Variants in ELMO1 observed in about 807,000 individuals in gnomAD.
The protein encoded by ELMO1 is engulfment and cell motility protein 1.
Under a neutral mutation model 98.9 loss-of-function variants are expected in ELMO1, and 26 were observed. The ratio of observed to expected loss-of-function variants is 0.26; its 90% CI spans 0.19 to 0.36. ELMO1 has a LOEUF of 0.36. Ranked by LOEUF, ELMO1 falls within the 10% of genes least tolerant of loss-of-function variation. ELMO1 has a pLI of 1.00. For missense variants in ELMO1, 627 were observed against 935.2 expected, an observed-to-expected ratio of 0.67 and a Z score of 4.30; for synonymous variants, 346 against 346.0, an observed-to-expected ratio of 1.00 and a Z score of 0.00.
At chr7:37,359,365 G>GA (rs762897519) in intron 1 of ELMO1, among the ~76,000 whole-genome samples, 1 of 152,184 alleles carries the variant, frequency 6.6e-6, no homozygotes. Flanking sequence ...GTGGCTTTGG[G>GA]AAAATTCCTC....
Position 37,211,250 on chromosome 7 carries a change from C to T in ELMO1, c.1086+136G>A, listed in dbSNP as rs148338113. On this transcript the variant is annotated intron_variant, in intron 13 of 21. Transcript: ENST00000310758. ...TTTCATGTGATCCTGTTTAAACCAG[C>T]TAAACATCTGGAAATGTGGAAACTA... 150 of 1,281,576 alleles carry T rather than the reference C, an allele frequency of 1.2e-4. No homozygotes were observed. In the African/African-American group the frequency reaches 2.1e-3, roughly 18 times the overall value. The allele number at this position is 1,281,576 out of a possible 1,614,324, so 79.4% of individuals were successfully genotyped here. A position where few individuals can be genotyped will look rare whatever the true frequency, so the allele number is the denominator to read the frequency against.
intron 15 of ELMO1, among the ~76,000 whole-genome samples, chr7:37,085,933 C>T (rs957629090): frequency 3.9e-5 from 6 of 152,180 alleles, no homozygotes; most frequent in South Asian, 2.1e-4. Flanking sequence ...TTTAGGAAAA[C>T]GACATCCACT....
rs139459469 is a variant in ELMO1, at chr7:37,326,826, C to T, written c.79-10866G>A. Reference sequence around the variant, plus strand: ...AGACCTACCTTCTCCTTTAGATATTCTAACATGCTTCTGCTCAGCAGACAT... The same window carrying T: ...AGACCTACCTTCTCCTTTAGATATTTTAACATGCTTCTGCTCAGCAGACAT... On this transcript the variant is annotated intron_variant, in intron 2 of 21. Transcript: ENST00000310758. Among the ~76,000 whole-genome samples, 4 of 152,274 alleles carry T rather than the reference C, an allele frequency of 2.6e-5. No individual in the cohort carries two copies. The East Asian group carries it at 5.8e-4, about 22-fold the overall frequency.
intron 4 of ELMO1, among the ~76,000 whole-genome samples, chr7:37,301,236 G>T (rs1798326275): frequency 6.6e-6 from 1 of 151,044 alleles, no homozygotes; most frequent in African/African-American, 2.4e-5. Flanking sequence ...ATGGAGAGAA[G>T]GAAAGGAAGG....
At chr7:37,194,224 A>G (rs996853087) in intron 13 of ELMO1, among the ~76,000 whole-genome samples, 19 of 152,204 alleles carry the variant, frequency 1.2e-4, no homozygotes, top group African/African-American at 4.6e-4. Context: ...TTGTATTTCC[A>G]TTGGCCTTCT....
At chr7:37,203,274 T>C (rs1023317878) in intron 13 of ELMO1, among the ~76,000 whole-genome samples, 5 of 152,184 alleles carry the variant, frequency 3.3e-5, no homozygotes, top group Non-Finnish European at 5.9e-5. Context: ...TCTTAAGCAT[T>C]CTCCCGTTAG....
chr7:37,194,699 C>T (rs10242334), intron 13 of ELMO1, among the ~76,000 whole-genome samples: 29,434 of 152,144 alleles, frequency 0.19, 3,199 homozygotes, highest in Middle Eastern at 0.28. Context: ...TCCTCCTCCT[C>T]CCCAGCTCAC....
At chr7:37,081,927 C>T (rs753466059) in intron 15 of ELMO1, among the ~76,000 whole-genome samples, 6 of 152,266 alleles carry the variant, frequency 3.9e-5, no homozygotes, top group East Asian at 1.9e-4. Context: ...AGTTCTCACC[C>T]GGGCAAGTCG....
intron 16 of ELMO1, among the ~76,000 whole-genome samples, chr7:36,949,397 G>A (rs10225164): frequency 0.11 from 16,946 of 151,578 alleles, 1,501 homozygotes; most frequent in East Asian, 0.27. Flanking sequence ...GGGACTTCAC[G>A]GAATTTTCTC....
At chr7:36,903,268 T>C (rs1405021283) in intron 16 of ELMO1, among the ~76,000 whole-genome samples, 1 of 152,202 alleles carries the variant, frequency 6.6e-6, no homozygotes, top group Non-Finnish European at 1.5e-5. Context: ...TAGGCCTAGA[T>C]GTTACCACCC....
At chr7:37,205,021 C>A (rs1231580671) in intron 13 of ELMO1, among the ~76,000 whole-genome samples, 1 of 152,196 alleles carries the variant, frequency 6.6e-6, no homozygotes, top group Non-Finnish European at 1.5e-5. Flanking sequence ...GGTGCGTTTA[C>A]AATCCTTTAG....
At chr7:37,120,166 A>G (rs1785907922) in intron 14 of ELMO1, among the ~76,000 whole-genome samples, 1 of 152,232 alleles carries the variant, frequency 6.6e-6, no homozygotes, top group Non-Finnish European at 1.5e-5. Flanking sequence ...TCCAGGTTCC[A>G]AGATGGCCAA....
intron 1 of ELMO1, among the ~76,000 whole-genome samples, chr7:37,404,138 A>C (rs1167507846): frequency 6.6e-6 from 1 of 152,132 alleles, no homozygotes; most frequent in Non-Finnish European, 1.5e-5. Flanking sequence ...TAAAATTGTA[A>C]TCATTTTTTC....
At chr7:36,942,788 C>G (rs1787155908) in intron 16 of ELMO1, among the ~76,000 whole-genome samples, 1 of 151,450 alleles carries the variant, frequency 6.6e-6, no homozygotes. Context: ...TTTTTAGGCT[C>G]TGTAAAAAAT....
At chr7:36,968,234 T>C (rs531496491) in intron 16 of ELMO1, among the ~76,000 whole-genome samples, 12 of 152,192 alleles carry the variant, frequency 7.9e-5, no homozygotes, top group Non-Finnish European at 1.5e-4. Context: ...GACATGAGTC[T>C]TCCTAAAGTC....
At chr7:37,240,748 G>A (rs1414999410) in intron 7 of ELMO1, among the ~76,000 whole-genome samples, 2 of 152,132 alleles carry the variant, frequency 1.3e-5, no homozygotes, top group Non-Finnish European at 2.9e-5. Context: ...GTATGAAAGA[G>A]TGTTTTCTAA....
chr7:36,867,013 C>T (rs1803083190), intron 20 of ELMO1, among the ~76,000 whole-genome samples: 2 of 152,066 alleles, frequency 1.3e-5, no homozygotes, highest in African/African-American at 2.4e-5. Context: ...CAAGTAAATT[C>T]CATGTATATG....
chr7:37,182,229 A>C (rs954078238), intron 13 of ELMO1, among the ~76,000 whole-genome samples: 3 of 152,114 alleles, frequency 2.0e-5, no homozygotes, highest in Non-Finnish European at 4.4e-5. Flanking sequence ...AGAGCTTCAC[A>C]TCCTCTCAGA....
intron 21 of ELMO1, among the ~76,000 whole-genome samples, chr7:36,858,537 T>C (rs118115973): frequency 8.6e-4 from 131 of 152,288 alleles, no homozygotes; most frequent in Non-Finnish European, 1.6e-3. Context: ...TGTGAATATG[T>C]CAGGTTCCAT....
Sources: allele counts gnomAD v4.1 joint callset (sites outside exome capture counted in the v4.1 genomes callset), GRCh38; gene constraint gnomAD v4.1.1; transcripts MANE v1.5; gene names NCBI Gene and HGNC (gene_info 2026-07-23, HGNC 2026-07-21).